VWA8: variants seen among roughly 807,000 people sequenced by gnomAD.
VWA8 encodes the protein von Willebrand factor A domain-containing protein 8.
In VWA8, 221 loss-of-function variants were observed where a neutral mutation model predicts 241.5. The observed-to-expected ratio is 0.91, with a 90% CI of 0.82 to 1.02. VWA8 has a LOEUF of 1.02. VWA8 is among the 50% of genes least tolerant of loss of function. The pLI is 0.00. For missense variants in VWA8, 2,322 were observed against 2,328.7 expected (o/e 1.00, Z 0.06); for synonymous variants, 852 against 827.1 (o/e 1.03, Z -0.52).
At chr13:41,838,298 T>C (rs1871836072) in intron 12 of VWA8, among the ~76,000 whole-genome samples, 1 of 152,164 alleles carries the variant, frequency 6.6e-6, no homozygotes, top group Non-Finnish European at 1.5e-5. Flanking sequence ...TAGAATATCA[T>C]TAGAATTATT....
intron 12 of VWA8, among the ~76,000 whole-genome samples, chr13:41,851,425 T>C (rs74914771): frequency 0.018 from 2,740 of 152,360 alleles, 92 homozygotes; most frequent in African/African-American, 0.061. Context: ...GGTTTGGCTA[T>C]GTGCCCTTCA....
At chr13:41,664,052 C>T (rs1043743029) in intron 37 of VWA8, among the ~76,000 whole-genome samples, 2 of 151,904 alleles carry the variant, frequency 1.3e-5, no homozygotes, top group Non-Finnish European at 2.9e-5. Flanking sequence ...ACTCTTTCCA[C>T]CTATGTCTTC....
chr13:41,713,981 A>T (rs955155233), intron 26 of VWA8, among the ~76,000 whole-genome samples: 3 of 152,094 alleles, frequency 2.0e-5, no homozygotes, highest in African/African-American at 7.2e-5. Context: ...GACTCAAGAA[A>T]ATAAAAATAA....
chr13:41,572,562 A>T (rs1374135102), intron 43 of VWA8, among the ~76,000 whole-genome samples: 2 of 152,072 alleles, frequency 1.3e-5, no homozygotes, highest in African/African-American at 4.8e-5. Flanking sequence ...GGGCGGTGCA[A>T]GATGTGCTTT....
chr13:41,829,567 A>ACACACACAC (rs10585702), intron 14 of VWA8, among the ~76,000 whole-genome samples: 1 of 77,646 alleles, frequency 1.3e-5, no homozygotes, highest in Non-Finnish European at 3.2e-5. Flanking sequence ...ACACACACAC[A>ACACACACAC]TGCACACACA....
At chr13:41,710,739 C>A (rs1652108003) in intron 26 of VWA8, among the ~76,000 whole-genome samples, 1 of 152,118 alleles carries the variant, frequency 6.6e-6, no homozygotes, top group Admixed American at 6.5e-5. Context: ...GAAAGAAAGG[C>A]ACAAAACTTT....
At chr13:41,931,063 C>A (rs1413095978) in intron 2 of VWA8, among the ~76,000 whole-genome samples, 1 of 150,602 alleles carries the variant, frequency 6.6e-6, no homozygotes, top group Non-Finnish European at 1.5e-5. Flanking sequence ...GCAGGAGAAT[C>A]GCTTGAACCC....
intron 36 of VWA8, among the ~76,000 whole-genome samples, chr13:41,674,380 C>T (rs1263025190): frequency 6.6e-6 from 1 of 152,192 alleles, no homozygotes; most frequent in African/African-American, 2.4e-5. Flanking sequence ...AGACTTCAAC[C>T]GCTGTGTTGT....
chr13:41,917,166 A>C (rs1876299329), intron 2 of VWA8, among the ~76,000 whole-genome samples: 1 of 152,142 alleles, frequency 6.6e-6, no homozygotes, highest in Non-Finnish European at 1.5e-5. Flanking sequence ...TTCTCCCTTC[A>C]TGAACTCAAA....
chr13:41,869,824 C>T (rs1873504226), intron 9 of VWA8, among the ~76,000 whole-genome samples: 1 of 151,980 alleles, frequency 6.6e-6, no homozygotes, highest in Non-Finnish European at 1.5e-5. Context: ...TTATTTATAA[C>T]AGCATGCTCA....
chr13:41,568,327 G>A (rs1031000620), intron 44 of VWA8, 22 bp from the exon 45 acceptor site: 3 of 1,605,938 alleles, frequency 1.9e-6, no homozygotes, highest in Non-Finnish European at 2.6e-6. Context: ...GAAAGGGAAA[G>A]GAAGTTACCA....
chr13:41,763,007 C>T (rs529606138), intron 20 of VWA8, among the ~76,000 whole-genome samples: 1 of 152,178 alleles, frequency 6.6e-6, no homozygotes, highest in Non-Finnish European at 1.5e-5. Context: ...ATGACTCACA[C>T]CAGTAATCCC....
intron 12 of VWA8, among the ~76,000 whole-genome samples, chr13:41,851,458 C>T (rs1040602510): frequency 5.9e-5 from 9 of 152,150 alleles, no homozygotes; most frequent in Non-Finnish European, 1.3e-4. Context: ...AATTGTATCT[C>T]CCAGAATTCC....
intron 35 of VWA8, among the ~76,000 whole-genome samples, chr13:41,683,834 A>G (rs754196802): frequency 2.4e-4 from 36 of 152,120 alleles, no homozygotes; most frequent in Non-Finnish European, 4.9e-4. Context: ...GATGGATGAA[A>G]TGTGGAGGAT....
intron 40 of VWA8, among the ~76,000 whole-genome samples, chr13:41,604,629 CA>C (rs1191274548): frequency 2.0e-5 from 3 of 152,084 alleles, no homozygotes; most frequent in Non-Finnish European, 4.4e-5. Context: ...AAAAGAAACA[CA>C]AGATTCCAGA....
At chr13:41,707,258 A>G (rs2045288605) in intron 26 of VWA8, among the ~76,000 whole-genome samples, 1 of 152,242 alleles carries the variant, frequency 6.6e-6, no homozygotes, top group African/African-American at 2.4e-5. Context: ...GCTTCCATAA[A>G]GAGGTGAGCT....
chr13:41,710,915 A>C (rs2045311912), intron 26 of VWA8, among the ~76,000 whole-genome samples: 1 of 152,232 alleles, frequency 6.6e-6, no homozygotes, highest in Non-Finnish European at 1.5e-5. Flanking sequence ...TTGTTAGAGA[A>C]GTAGCAGCTG....
rs2138107886 is a variant in VWA8, at chr13:41,907,574, G to A, written c.483+12C>T. On this transcript the variant is annotated intron_variant, in intron 4 of 44. Transcript: ENST00000379310. ...AGTACACAGTCATGGGCTAGAGTGT[G>A]ACAGAACTTGCCTGATCAATGTAAA... 1 of 1,612,390 alleles carries A rather than the reference G, an allele frequency of 6.2e-7. No homozygotes were observed. The highest frequency in any genetic ancestry group is 8.5e-7 in the Non-Finnish European group (1 of 1,178,464).
intron 35 of VWA8, among the ~76,000 whole-genome samples, chr13:41,677,673 T>TA (rs1019288804): frequency 2.6e-4 from 39 of 151,998 alleles, no homozygotes; most frequent in African/African-American, 7.7e-4. Flanking sequence ...CAAGTTCTCT[T>TA]AAAAAAAACT....
Sources: allele counts gnomAD v4.1 joint callset (sites outside exome capture counted in the v4.1 genomes callset), GRCh38; gene constraint gnomAD v4.1.1; transcripts MANE v1.5; gene names NCBI Gene and HGNC (gene_info 2026-07-23, HGNC 2026-07-21).